Variants in TPRG1 observed in about 807,000 individuals in gnomAD.
The protein encoded by TPRG1 is tumor protein p63-regulated gene 1 protein.
TPRG1 carries 29 observed loss-of-function variants against 29.3 expected under a neutral mutation model. That is an observed-to-expected ratio of 0.99 (90% CI 0.74 to 1.35). The LOEUF (loss-of-function observed/expected upper bound fraction) is 1.35. TPRG1 is among the 40% of genes most tolerant of loss of function. The pLI is 0.00. For synonymous variants in TPRG1, 130 were observed against 116.8 expected (o/e 1.11, Z -0.73); for missense variants, 327 against 335.0 (o/e 0.98, Z 0.19).
chr3:189,175,358 A>T (rs1729346192), intron 1 of TPRG1, among the ~76,000 whole-genome samples: 1 of 152,144 alleles, frequency 6.6e-6, no homozygotes, highest in Admixed American at 6.5e-5. Context: ...AGTATATTTG[A>T]AGGGTAGGAA....
intron 1 of TPRG1, among the ~76,000 whole-genome samples, chr3:189,175,639 A>C (rs1469214225): frequency 6.6e-6 from 1 of 152,260 alleles, no homozygotes; most frequent in East Asian, 1.9e-4. Flanking sequence ...CAGAAAAAAA[A>C]GAACAGGATT....
chr3:189,188,497 A>G (rs188274168), intron 1 of TPRG1, among the ~76,000 whole-genome samples: 3 of 152,258 alleles, frequency 2.0e-5, no homozygotes, highest in East Asian at 1.9e-4. Context: ...TCCCAGCCCT[A>G]TGTTTAAAAC....
At chr3:189,022,483 A>G (rs1392612290) in intron 3 of TPRG1, among the ~76,000 whole-genome samples, 16 of 151,030 alleles carry the variant, frequency 1.1e-4, no homozygotes, top group African/African-American at 2.9e-4. Flanking sequence ...CTGTTGGAGT[A>G]CCCTGCAGTG....
intron 2 of TPRG1, among the ~76,000 whole-genome samples, chr3:189,128,000 G>T (rs1438534447): frequency 3.3e-5 from 5 of 152,094 alleles, no homozygotes; most frequent in Non-Finnish European, 7.3e-5. Context: ...TAGTCTACCA[G>T]GACCATCTTA....
intron 3 of TPRG1, among the ~76,000 whole-genome samples, chr3:189,229,591 G>A (rs914265081): frequency 6.6e-6 from 1 of 152,170 alleles, no homozygotes; most frequent in Non-Finnish European, 1.5e-5. Context: ...AAGGTCACAG[G>A]CAAGAAGGAA....
At chr3:189,099,215 C>T (rs537822884), upstream of TPRG1, among the ~76,000 whole-genome samples, 1 of 152,278 alleles carries the variant, frequency 6.6e-6, no homozygotes, top group African/African-American at 2.4e-5. Context: ...CAGGCGTTGC[C>T]AGGCCTGAGA....
intron 1 of TPRG1, among the ~76,000 whole-genome samples, chr3:189,184,077 C>T (rs1730597684): frequency 6.6e-6 from 1 of 152,134 alleles, no homozygotes; most frequent in Non-Finnish European, 1.5e-5. Context: ...TCGTCACAAT[C>T]CATGTTCTTC....
rs1472909074 is a variant in TPRG1 at position 189,321,917 on chromosome 3, A to G, written c.*1097A>G. ...AGGGTTTTGAAGACCATGTTTTCAA[A>G]AACACTGTCTTAACACTCTATTGTC... is the stretch of plus-strand genomic sequence containing the variant. On this transcript the variant is annotated 3_prime_UTR_variant, in exon 6 of 6. Coordinates refer to ENST00000345063, the MANE Select transcript of TPRG1 (RefSeq NM_198485.4). The G allele has an allele frequency of 6.6e-6, 1 of 152,112 alleles. No individual in the cohort carries two copies. The highest frequency in any genetic ancestry group is 1.5e-5 in the Non-Finnish European group (1 of 68,012). The allele number at this position is 152,112 out of a possible 1,614,324, so 9.4% of individuals were successfully genotyped here. A position where few individuals can be genotyped will look rare whatever the true frequency, so the allele number is the denominator to read the frequency against.
intron 1 of TPRG1, among the ~76,000 whole-genome samples, chr3:188,997,771 C>T (rs1187124476): frequency 6.6e-6 from 1 of 152,098 alleles, no homozygotes; most frequent in Non-Finnish European, 1.5e-5. Flanking sequence ...AATTACATTC[C>T]AGGAGCTGTC....
At chr3:189,206,103 T>A (rs1734324014) in intron 1 of TPRG1, among the ~76,000 whole-genome samples, 1 of 150,684 alleles carries the variant, frequency 6.6e-6, no homozygotes, top group Non-Finnish European at 1.5e-5. Context: ...TTTCTTTCCT[T>A]CTTTCTTTCT....
At chr3:189,195,029 A>G (rs766158752) in intron 1 of TPRG1, among the ~76,000 whole-genome samples, 21 of 152,110 alleles carry the variant, frequency 1.4e-4, no homozygotes, top group Non-Finnish European at 2.4e-4. Context: ...GTTTCCTTGG[A>G]GCATGGGGTA....
chr3:189,017,794 G>A (rs1054840045), intron 3 of TPRG1, among the ~76,000 whole-genome samples: 1 of 152,236 alleles, frequency 6.6e-6, no homozygotes, highest in African/African-American at 2.4e-5. Flanking sequence ...AGATCCCTGA[G>A]GAATCGCCAC....
intron 4 of TPRG1, among the ~76,000 whole-genome samples, chr3:189,277,424 G>T (rs962312278): frequency 1.3e-5 from 2 of 152,144 alleles, no homozygotes; most frequent in African/African-American, 4.8e-5. Context: ...TGATAGTTTG[G>T]TGGAAAAAAT....
chr3:189,056,655 T>TC (rs914030002), intron 4 of TPRG1, among the ~76,000 whole-genome samples: 2 of 152,094 alleles, frequency 1.3e-5, no homozygotes, highest in Admixed American at 6.5e-5. Context: ...CATGTTAGAT[T>TC]CCCCCATGAA....
chr3:189,037,031 G>GAA (rs63612761), intron 4 of TPRG1, among the ~76,000 whole-genome samples: 9,507 of 145,860 alleles, frequency 0.065, 355 homozygotes, highest in African/African-American at 0.076. Context: ...AGTGACTTCT[G>GAA]AAAAAAAAAA....
upstream of TPRG1, among the ~76,000 whole-genome samples, chr3:189,169,902 C>T (rs1728608008): frequency 6.6e-6 from 1 of 152,182 alleles, no homozygotes; most frequent in Non-Finnish European, 1.5e-5. Flanking sequence ...ATTACTCCTA[C>T]TGCTTGTGCC....
chr3:189,281,275 G>A (rs1240278439), intron 4 of TPRG1, among the ~76,000 whole-genome samples: 1 of 152,130 alleles, frequency 6.6e-6, no homozygotes, highest in Non-Finnish European at 1.5e-5. Flanking sequence ...CCTAACCACT[G>A]AGCAATATCA....
At chr3:189,316,606 G>C (rs552396273) in intron 5 of TPRG1, among the ~76,000 whole-genome samples, 1 of 152,244 alleles carries the variant, frequency 6.6e-6, no homozygotes, top group Admixed American at 6.5e-5. Flanking sequence ...CTGTGGACCA[G>C]GCACTCGGCT....
chr3:189,180,667 C>G (rs1730087394), intron 1 of TPRG1, among the ~76,000 whole-genome samples: 6 of 152,196 alleles, frequency 3.9e-5, no homozygotes, highest in Admixed American at 3.9e-4. Context: ...AGGGTACAGC[C>G]TCCCTCCCAG....
Sources: gnomAD v4.1 joint callset for allele counts (sites outside exome capture counted in the v4.1 genomes callset) on GRCh38, gnomAD v4.1.1 for gene constraint, MANE v1.5 for transcripts, NCBI Gene and HGNC (gene_info 2026-07-23, HGNC 2026-07-21) for gene names.